The following CHMP1A variants were observed in gnomAD, a reference collection of about 807,000 sequenced individuals.
The protein encoded by CHMP1A is VPS46 homolog A.
CHMP1A carries 17 observed loss-of-function variants against 27.0 expected under a neutral mutation model. The observed-to-expected ratio is 0.63, with a 90% CI of 0.43 to 0.95. CHMP1A has a LOEUF of 0.95. CHMP1A is among the 40% of genes least tolerant of loss of function. The pLI, the probability that CHMP1A is intolerant of heterozygous loss-of-function variation, is 0.00. For synonymous variants in CHMP1A, 131 were observed against 107.5 expected, an observed-to-expected ratio of 1.22 and a Z score of -1.35; for missense variants, 275 against 264.0, an observed-to-expected ratio of 1.04 and a Z score of -0.29.
intron 1 of CHMP1A, 128 bp from the exon 2 acceptor site, chr16:89,654,051 G>T: frequency 1.0e-6 from 1 of 967,018 alleles, no homozygotes; most frequent in Non-Finnish European, 1.6e-6. Flanking sequence ...ACACCTGCCT[G>T]GGGCCTTCGG....
At chr16:89,646,763 G>C (rs1470515045) in intron 5 of CHMP1A, 49 bp from the exon 6 acceptor site, 1 of 1,576,572 alleles carries the variant, frequency 6.3e-7, no homozygotes, top group Non-Finnish European at 8.6e-7. Flanking sequence ...AGGCCCATGG[G>C]GCCCCACTCA....
chr16:89,650,701 G>C (rs1259484622), intron 3 of CHMP1A, among the ~76,000 whole-genome samples: 2 of 151,924 alleles, frequency 1.3e-5, no homozygotes, highest in Non-Finnish European at 2.9e-5. Flanking sequence ...AGCTACCCAG[G>C]AGGTTGAGGC....
chr16:89,649,856 G>A lies in CHMP1A; in HGVS notation c.106-359C>T, dbSNP rs557012221. Among the ~76,000 whole-genome samples the A allele has an allele frequency of 7.8e-4, 119 of 152,330 alleles. 2 individuals carry two copies. The highest frequency in any genetic ancestry group is 5.0e-3 in the South Asian group (24 of 4,826). On this transcript the variant is annotated intron_variant, in intron 3 of 6. Coordinates refer to ENST00000397901, the MANE Select transcript of CHMP1A (RefSeq NM_002768.5). Reference sequence around the variant, plus strand: ...CTCCCAAAGAGCTGGGATCACAGGCGTGAGCCACCGCGCCCGGCCCTAGGA... The same window carrying A: ...CTCCCAAAGAGCTGGGATCACAGGCATGAGCCACCGCGCCCGGCCCTAGGA...
Position 89,649,509 on chromosome 16 carries a change from G to C in CHMP1A, c.106-12C>G, listed in dbSNP as rs200269195. 1.2e-6 allele frequency: 2 copies of C among 1,613,362 alleles called. No homozygotes were observed. The highest frequency in any genetic ancestry group is 1.7e-6 in the Non-Finnish European group (2 of 1,179,746). On this transcript the variant is annotated splice_polypyrimidine_tract_variant and intron_variant, in intron 3 of 6. Coordinates refer to ENST00000397901, the MANE Select transcript of CHMP1A (RefSeq NM_002768.5). The stretch of plus-strand genomic sequence containing the variant: ...TTCTGCAGAAGGGCCTGAAACCCGC[G>C]GGGGAAAGCAGCTGGAAGAGCTTGG...
In CHMP1A at chr16:89,645,660, C is replaced by T. The variant is rs895571489; in HGVS notation, c.*406G>A. The T allele has an allele frequency of 1.0e-4, 34 of 337,356 alleles. No individual in the cohort carries two copies. The highest frequency in any genetic ancestry group is 4.9e-4 in the South Asian group (21 of 42,716). 20.9% of individuals were successfully genotyped at this position (337,356 alleles called of 1,614,324 possible). ...TGTCCACATGGTGGGACCTCCTGCC[C>T]GCTGAGGTGGTGCGGAGAGGCCTCA... is the stretch of plus-strand genomic sequence containing the variant. On this transcript the variant is annotated 3_prime_UTR_variant, in exon 7 of 7. Transcript: ENST00000397901.
chr16:89,653,018 TTC>T (rs2059837312), intron 2 of CHMP1A, among the ~76,000 whole-genome samples: 5 of 116,256 alleles, frequency 4.3e-5, no homozygotes, highest in Admixed American at 1.2e-4. Flanking sequence ...TTTTTTTCTT[TTC>T]TTTTTTTTTT....
In CHMP1A at chr16:89,655,079, C is replaced by A. The variant is rs190332563; in HGVS notation, c.8-1156G>T. Reference sequence around the variant, plus strand: ...CACTAGCCACAACGAGGAAATGGAGCCTGTAAAAGAATGAGGTTACTGAGT... The same window carrying A: ...CACTAGCCACAACGAGGAAATGGAGACTGTAAAAGAATGAGGTTACTGAGT... On this transcript the variant is annotated intron_variant, in intron 1 of 6. Coordinates refer to ENST00000397901, the MANE Select transcript of CHMP1A (RefSeq NM_002768.5). Among the ~76,000 whole-genome samples the A allele has an allele frequency of 1.6e-4, 24 of 152,240 alleles. No individual in the cohort carries two copies. The East Asian group carries it at 4.2e-3, about 27-fold the overall frequency.
intron 5 of CHMP1A, 139 bp downstream of exon 5, chr16:89,647,064 A>G (rs1164195900): frequency 1.3e-6 from 2 of 1,532,624 alleles, no homozygotes; most frequent in East Asian, 2.5e-5. Context: ...GACCCAGCAC[A>G]GAGGATGCTT....
At chr16:89,655,901 C>T (rs11862014) in intron 1 of CHMP1A, among the ~76,000 whole-genome samples, 3,441 of 152,310 alleles carry the variant, frequency 0.023, 138 homozygotes, top group African/African-American at 0.078. Flanking sequence ...GTTGGGGTTA[C>T]AGGCGTGAGC....
At chr16:89,646,791 C>A (rs1477208752) in intron 5 of CHMP1A, 77 bp from the exon 6 acceptor site, 2 of 1,463,606 alleles carry the variant, frequency 1.4e-6, no homozygotes, top group Admixed American at 3.9e-5. Context: ...AAGGGTACGA[C>A]TGCACTTTTC....
intron 1 of CHMP1A, among the ~76,000 whole-genome samples, chr16:89,656,189 T>C (rs944335035): frequency 6.6e-6 from 1 of 152,194 alleles, no homozygotes; most frequent in Non-Finnish European, 1.5e-5. Context: ...CAGGCTGGAG[T>C]GAAGTGGCGC....
chr16:89,648,437 C>T (rs927718085), intron 4 of CHMP1A, among the ~76,000 whole-genome samples: 1 of 151,864 alleles, frequency 6.6e-6, no homozygotes, highest in African/African-American at 2.4e-5. Context: ...GAAAAGGCCG[C>T]CGACGTGGGG....
intron 2 of CHMP1A, 115 bp downstream of exon 2, chr16:89,653,789 G>T: frequency 9.3e-7 from 1 of 1,074,714 alleles, no homozygotes; most frequent in Non-Finnish European, 1.4e-6. Flanking sequence ...CTGTGTGGCG[G>T]TCACTCAACT....
chr16:89,651,713 AC>A, intron 2 of CHMP1A, 67 bp from the exon 3 acceptor site: 2 of 1,491,006 alleles, frequency 1.3e-6, no homozygotes, highest in South Asian at 1.2e-5. Context: ...GGCTCTCCAC[AC>A]CCCCACACCT....
At position 89,657,577 on chromosome 16, in the gene CHMP1A, C is replaced by G. The variant is rs774098637; in HGVS notation, c.7+5G>C. 2 of 1,611,164 alleles carry G rather than the reference C, an allele frequency of 1.2e-6. No homozygotes were observed. Among genetic ancestry groups the G allele is most frequent in the Admixed American group, 3.3e-5 (2 of 59,960 alleles). ...AGTCCCCGGAGGACGGCCGCGACCT[C>G]TTACCGTCCATGGCCACAATGACAG... On this transcript the variant is annotated splice_donor_5th_base_variant and intron_variant, in intron 1 of 6. Coordinates refer to ENST00000397901, the MANE Select transcript of CHMP1A (RefSeq NM_002768.5).
chr16:89,649,724 C>T (rs912880931), intron 3 of CHMP1A: 15 of 500,402 alleles, frequency 3.0e-5, no homozygotes, highest in African/African-American at 8.1e-5. Context: ...TACAGGCGCC[C>T]GCCACCATGC....
At chr16:89,647,437 C>A in intron 4 of CHMP1A, 106 bp from the exon 5 acceptor site, 2 of 1,078,082 alleles carry the variant, frequency 1.9e-6, no homozygotes, top group South Asian at 1.6e-5. Flanking sequence ...GGCACCCCAA[C>A]CCTGACCCAC....
Position 89,646,571 on chromosome 16 carries a change from C to T in CHMP1A, c.525G>A (p.Val175=), listed in dbSNP as rs1478825222. The change falls in exon 6 of 7, where the codon GTG becomes GTA. Residue 175 remains valine (V), a synonymous_variant. Coordinates refer to ENST00000397901, the MANE Select transcript of CHMP1A (RefSeq NM_002768.5). The part of the protein sequence containing the change: ...LSQLPEGASA[V]GESSVRSQED... Reference sequence around the variant, plus strand: ...CCTGGCTGCGCACAGAGCTCTCGCCCACGGCAGAGGCGCCCTCGGGCAGCT... The same window carrying T: ...CCTGGCTGCGCACAGAGCTCTCGCCTACGGCAGAGGCGCCCTCGGGCAGCT... The T allele has an allele frequency of 6.3e-7, 1 of 1,596,644 alleles. No homozygotes were observed. The highest frequency in any genetic ancestry group is 8.5e-7 in the Non-Finnish European group (1 of 1,172,982).
intron 1 of CHMP1A, among the ~76,000 whole-genome samples, chr16:89,654,620 A>G (rs1443732176): frequency 6.6e-6 from 1 of 151,958 alleles, no homozygotes; most frequent in Non-Finnish European, 1.5e-5. Flanking sequence ...CCTAGGGAAT[A>G]TAGTCAGACC....
Sources: allele counts gnomAD v4.1 joint callset (sites outside exome capture counted in the v4.1 genomes callset), GRCh38; gene constraint gnomAD v4.1.1; transcripts MANE v1.5; gene names NCBI Gene and HGNC (gene_info 2026-07-23, HGNC 2026-07-21).